The following ACTR3C variants were observed in gnomAD, a reference collection of about 807,000 sequenced individuals.
ACTR3C encodes actin-related protein 3C.
In ACTR3C, 18 loss-of-function variants were observed where a neutral mutation model predicts 26.3. The observed-to-expected ratio is 0.68, with a 90% CI of 0.47 to 1.01. The LOEUF (loss-of-function observed/expected upper bound fraction) is 1.01. Among genes scored for constraint, ACTR3C ranks in the 50% least tolerant of loss-of-function variants. ACTR3C has a pLI of 0.00. For synonymous variants in ACTR3C, 55 were observed against 94.5 expected (o/e 0.58, Z 2.42); for missense variants, 184 against 250.7 (o/e 0.73, Z 1.80).
chr7:149,972,556 C>T, the ACTR3C span, among the ~76,000 whole-genome samples: 6 of 152,124 alleles, frequency 3.9e-5, no homozygotes, highest in East Asian at 1.2e-3. Flanking sequence ...TGCAGTGTCC[C>T]TCTCATGCTC....
the ACTR3C span, among the ~76,000 whole-genome samples, chr7:149,914,948 C>T: frequency 6.0e-5 from 9 of 150,658 alleles, no homozygotes; most frequent in Non-Finnish European, 1.0e-4. Flanking sequence ...GGCACAATCT[C>T]GGCTCACTGC....
At chr7:149,887,443 C>A in the ACTR3C span, among the ~76,000 whole-genome samples, 4 of 152,220 alleles carry the variant, frequency 2.6e-5, no homozygotes, top group Non-Finnish European at 5.9e-5. Context: ...TGCTGCAGTG[C>A]ATCTCCCCAT....
At chr7:150,130,543 A>C in the ACTR3C span, among the ~76,000 whole-genome samples, 1 of 152,346 alleles carries the variant, frequency 6.6e-6, no homozygotes, top group South Asian at 2.1e-4. Context: ...GGTGGCAAAT[A>C]AATACACAAA....
At chr7:150,115,589 C>A in the ACTR3C span, among the ~76,000 whole-genome samples, 1 of 152,208 alleles carries the variant, frequency 6.6e-6, no homozygotes, top group Non-Finnish European at 1.5e-5. Flanking sequence ...AGTGTCTCAC[C>A]TCTCTCTCTA....
chr7:150,219,803 G>A, the ACTR3C span, among the ~76,000 whole-genome samples: 13 of 144,830 alleles, frequency 9.0e-5, no homozygotes, highest in Non-Finnish European at 1.8e-4. Flanking sequence ...CAGCGCCCGC[G>A]GGAGAGCCCC....
At chr7:150,092,751 A>G in the ACTR3C span, among the ~76,000 whole-genome samples, 1 of 150,562 alleles carries the variant, frequency 6.6e-6, no homozygotes, top group Non-Finnish European at 1.5e-5. Context: ...GGCCAACGGA[A>G]TATGGGCTAA....
chr7:149,907,973 G>A, the ACTR3C span, among the ~76,000 whole-genome samples: 2 of 151,722 alleles, frequency 1.3e-5, no homozygotes, highest in Non-Finnish European at 2.9e-5. Context: ...AATTCACTAC[G>A]CAGAAGCCCT....
intron 1 of ACTR3C, among the ~76,000 whole-genome samples, chr7:150,304,606 T>C (rs1283204376): frequency 1.3e-5 from 2 of 151,848 alleles, no homozygotes; most frequent in African/African-American, 4.8e-5. Context: ...ACTCTCCTTC[T>C]TCCTCCTCCC....
At chr7:150,314,979 TA>T (rs1049449727) in intron 1 of ACTR3C, among the ~76,000 whole-genome samples, 1 of 147,542 alleles carries the variant, frequency 6.8e-6, no homozygotes, top group Non-Finnish European at 1.5e-5. Context: ...TAAATAGTAT[TA>T]TTTTTAATAA....
At chr7:150,299,749 G>A (rs922575662) in intron 1 of ACTR3C, among the ~76,000 whole-genome samples, 5 of 152,066 alleles carry the variant, frequency 3.3e-5, no homozygotes, top group Admixed American at 3.3e-4. Context: ...TGGTGCCACT[G>A]TACTCCAGCC....
chr7:150,152,907 A>T, the ACTR3C span, among the ~76,000 whole-genome samples: 1 of 152,028 alleles, frequency 6.6e-6, no homozygotes, highest in Non-Finnish European at 1.5e-5. Context: ...TTTCTTCTAG[A>T]TTTCTAGTTT....
chr7:149,905,976 A>T, the ACTR3C span, among the ~76,000 whole-genome samples: 1 of 152,158 alleles, frequency 6.6e-6, no homozygotes, highest in African/African-American at 2.4e-5. Context: ...ACGCATAAGG[A>T]AATTTTTACT....
chr7:150,105,524 A>T, the ACTR3C span, among the ~76,000 whole-genome samples: 15 of 151,934 alleles, frequency 9.9e-5, 1 homozygote, highest in Non-Finnish European at 1.3e-4. Flanking sequence ...TGCCATGGCT[A>T]TTAGGAAGCT....
At chr7:149,997,470 T>G in the ACTR3C span, among the ~76,000 whole-genome samples, 1 of 152,118 alleles carries the variant, frequency 6.6e-6, no homozygotes, top group South Asian at 2.1e-4. Flanking sequence ...TGTTGCTCAC[T>G]GCTGTATCCA....
At chr7:149,927,482 A>G in the ACTR3C span, among the ~76,000 whole-genome samples, 5 of 151,772 alleles carry the variant, frequency 3.3e-5, no homozygotes, top group Non-Finnish European at 7.4e-5. Flanking sequence ...TAATCTCAGC[A>G]CTTTGGGACG....
the ACTR3C span, among the ~76,000 whole-genome samples, chr7:150,037,909 C>A: frequency 7.4e-6 from 1 of 135,648 alleles, no homozygotes; most frequent in Non-Finnish European, 1.6e-5. Context: ...CGCTCTCAGT[C>A]CCCGCGTCGC....
At chr7:149,946,502 C>G in the ACTR3C span, among the ~76,000 whole-genome samples, 5 of 152,158 alleles carry the variant, frequency 3.3e-5, no homozygotes, top group African/African-American at 1.2e-4. Flanking sequence ...TCCCAGAGGT[C>G]AGCAGGTTGG....
chr7:150,123,401 C>T, the ACTR3C span, among the ~76,000 whole-genome samples: 12 of 152,148 alleles, frequency 7.9e-5, no homozygotes, highest in South Asian at 2.1e-3. Context: ...CACTGAAGCC[C>T]AGTACTGATT....
intron 1 of ACTR3C, among the ~76,000 whole-genome samples, chr7:150,310,592 G>A (rs191815968): frequency 7.3e-5 from 11 of 150,518 alleles, no homozygotes; most frequent in African/African-American, 2.0e-4. Flanking sequence ...TTCTGTTATC[G>A]ACCTCAAAGA....
Sources: allele counts gnomAD v4.1 joint callset (sites outside exome capture counted in the v4.1 genomes callset), GRCh38; gene constraint gnomAD v4.1.1; transcripts MANE v1.5; gene names NCBI Gene and HGNC (gene_info 2026-07-23, HGNC 2026-07-21).